The following CD164 variants were observed in gnomAD, a reference collection of about 807,000 sequenced individuals.
The protein encoded by CD164 is sialomucin core protein 24.
A neutral mutation model predicts 24.6 loss-of-function variants in CD164; 11 were observed. The ratio of observed to expected loss-of-function variants is 0.45; its 90% CI spans 0.28 to 0.74. The LOEUF is 0.74. Ranked by LOEUF, CD164 falls within the 30% of genes least tolerant of loss-of-function variation. The pLI is 0.13. For synonymous variants in CD164, 126 were observed against 100.3 expected, an observed-to-expected ratio of 1.26 and a Z score of -1.53; for missense variants, 295 against 243.7, an observed-to-expected ratio of 1.21 and a Z score of -1.40.
intron 1 of CD164, chr6:109,381,835 G>GCCCGGCCCCATCCTCAACC (rs1771769774): frequency 3.7e-6 from 2 of 540,460 alleles, no homozygotes; most frequent in Non-Finnish European, 6.6e-6. Context: ...GAGGCGCGAC[G>GCCCGGCCCCATCCTCAACC]CCCGGCCCCA....
intron 4 of CD164, among the ~76,000 whole-genome samples, chr6:109,373,042 G>A (rs1316831959): frequency 6.6e-6 from 1 of 151,476 alleles, no homozygotes; most frequent in African/African-American, 2.4e-5. Context: ...CATTAGGAAA[G>A]GTTAAAAAAA....
Position 109,382,415 on chromosome 6 carries a change from G to C in CD164, c.-37C>G. 1 of 1,471,328 alleles carries C rather than the reference G, an allele frequency of 6.8e-7. No individual in the cohort carries two copies. Among genetic ancestry groups the C allele is most frequent in the Non-Finnish European group, 9.0e-7 (1 of 1,107,378 alleles). 91.1% of individuals were successfully genotyped at this position (1,471,328 alleles called of 1,614,324 possible). On this transcript the variant is annotated 5_prime_UTR_variant, in exon 1 of 6. Transcript: ENST00000310786. ...CGCTGGCGTTCGGGAGAAAGCTAAG[G>C]CTCGCAACGCTCAGTCAACCCCTCA...
rs963032480 is a variant in CD164, at chr6:109,368,763, T to C, written c.*88A>G. ...ATTTAAAGATCCTGGAATAGCGTCTTCCATGTGGGACATCTTAAAAGATAG... is the reference window on the plus strand; with the variant it reads ...ATTTAAAGATCCTGGAATAGCGTCTCCCATGTGGGACATCTTAAAAGATAG... On this transcript the variant is annotated 3_prime_UTR_variant, in exon 6 of 6. Coordinates refer to ENST00000310786, the MANE Select transcript of CD164 (RefSeq NM_006016.6). 2.6e-5 allele frequency: 39 copies of C among 1,494,748 alleles called. No individual in the cohort carries two copies. The highest frequency in any genetic ancestry group is 3.4e-5 in the Non-Finnish European group (38 of 1,126,754). The allele number at this position is 1,494,748 out of a possible 1,614,324, so 92.6% of individuals were successfully genotyped here.
rs58138405 is a variant in CD164 at position 109,375,617 on chromosome 6, CA to C, written c.370+456del. On this transcript the variant is annotated intron_variant, in intron 4 of 5. Transcript: ENST00000310786. ...GAGCGGCAGAGCAAGACTTCGCTTC[CA>C]AAAAAAAAAAAAGAAAAGAAAAAAA... 1.1e-3 allele frequency among the ~76,000 whole-genome samples: 76 copies of C among 71,316 alleles called. 1 individual carries two copies. Among genetic ancestry groups the C allele is most frequent in the Middle Eastern group, 0.01 (1 of 98 alleles). The allele number at this position is 71,316 out of a possible 152,430, so 46.8% of individuals were successfully genotyped here. A position where few individuals can be genotyped will look rare whatever the true frequency, so the allele number is the denominator to read the frequency against.
rs752217897 is a variant in CD164 at position 109,382,389 on chromosome 6, G to A, written c.-11C>T. ...GGAGAGCCGCGACATCGTGTCCTCAGCGCTGGCGTTCGGGAGAAAGCTAAG... is the reference window on the plus strand; with the variant it reads ...GGAGAGCCGCGACATCGTGTCCTCAACGCTGGCGTTCGGGAGAAAGCTAAG... On this transcript the variant is annotated 5_prime_UTR_variant, in exon 1 of 6. Transcript: ENST00000310786. 6.3e-5 allele frequency: 96 copies of A among 1,518,714 alleles called. No homozygotes were observed. The highest frequency in any genetic ancestry group is 2.4e-4 in the Admixed American group (12 of 49,308). The allele number at this position is 1,518,714 out of a possible 1,614,324, so 94.1% of individuals were successfully genotyped here. A position where few individuals can be genotyped will look rare whatever the true frequency, so the allele number is the denominator to read the frequency against.
At chr6:109,381,450 GGA>G (rs1234594314) in intron 1 of CD164, 3 of 699,516 alleles carry the variant, frequency 4.3e-6, no homozygotes, top group Non-Finnish European at 5.2e-6. Context: ...TACAATGTCA[GGA>G]GAGTTTACTC....
At chr6:109,370,299 T>C (rs939601850) in intron 5 of CD164, 112 bp downstream of exon 5, 1 of 820,172 alleles carries the variant, frequency 1.2e-6, no homozygotes, top group Non-Finnish European at 2.0e-6. Flanking sequence ...AAGAGAAGAA[T>C]TTCAGTTCCA....
At chr6:109,371,583 G>C (rs1463949735) in intron 4 of CD164, 1 of 153,748 alleles carries the variant, frequency 6.5e-6, no homozygotes, top group Non-Finnish European at 1.5e-5. Context: ...TTGGTAGTAT[G>C]AATACTAATA....
chr6:109,376,021 A>G, intron 4 of CD164, 53 bp downstream of exon 4: 2 of 1,370,180 alleles, frequency 1.5e-6, no homozygotes, highest in Non-Finnish European at 2.0e-6. Context: ...TAATCCATCA[A>G]GAAAGCTTAA....
At chr6:109,375,870 A>T in intron 4 of CD164, 1 of 517,444 alleles carries the variant, frequency 1.9e-6, no homozygotes, top group South Asian at 2.9e-5. Flanking sequence ...ATCTGCTCAC[A>T]TTCACCGACT....
At chr6:109,381,198 A>C (rs1415844566) in intron 1 of CD164, among the ~76,000 whole-genome samples, 4 of 152,182 alleles carry the variant, frequency 2.6e-5, no homozygotes, top group Non-Finnish European at 5.9e-5. Context: ...TTATTACCTC[A>C]AACTTATCTT....
intron 3 of CD164, among the ~76,000 whole-genome samples, 180 bp downstream of exon 3, chr6:109,377,720 A>C (rs1461830320): frequency 6.6e-6 from 1 of 152,044 alleles, no homozygotes; most frequent in Admixed American, 6.5e-5. Context: ...AAATCACTAA[A>C]CCAAGCTTCA....
At chr6:109,381,233 G>A (rs924835154) in intron 1 of CD164, among the ~76,000 whole-genome samples, 3 of 152,076 alleles carry the variant, frequency 2.0e-5, no homozygotes, top group Non-Finnish European at 4.4e-5. Flanking sequence ...TGTTGTCACG[G>A]TATATGGCAA....
chr6:109,375,229 T>C (rs545542648), intron 4 of CD164, among the ~76,000 whole-genome samples: 3 of 152,158 alleles, frequency 2.0e-5, no homozygotes, highest in Non-Finnish European at 4.4e-5. Flanking sequence ...TGCAATTCCA[T>C]GTAAGATGTT....
chr6:109,379,727 A>AT (rs1329862002), intron 1 of CD164, 65 bp from the exon 2 acceptor site: 1 of 1,216,232 alleles, frequency 8.2e-7, no homozygotes, highest in African/African-American at 1.5e-5. Context: ...TTGAATCTGT[A>AT]TTACTTATCT....
rs1369947013 is a variant in CD164 at position 109,368,614 on chromosome 6, A to G, written c.*237T>C. The G allele has an allele frequency of 2.2e-6, 3 of 1,350,842 alleles. No homozygotes were observed. Among genetic ancestry groups the G allele is most frequent in the Non-Finnish European group, 2.8e-6 (3 of 1,057,462 alleles). 83.7% of individuals were successfully genotyped at this position (1,350,842 alleles called of 1,614,324 possible). On this transcript the variant is annotated 3_prime_UTR_variant, in exon 6 of 6. Coordinates refer to ENST00000310786, the MANE Select transcript of CD164 (RefSeq NM_006016.6). Reference sequence around the variant, plus strand: ...AAAATATAATCCCACAGCAGCAGCTATTTAAAATAAGACAGCCACAGGATT... The same window carrying G: ...AAAATATAATCCCACAGCAGCAGCTGTTTAAAATAAGACAGCCACAGGATT...
intron 5 of CD164, among the ~76,000 whole-genome samples, 191 bp downstream of exon 5, chr6:109,370,220 A>C (rs916165520): frequency 6.6e-6 from 1 of 152,238 alleles, no homozygotes; most frequent in African/African-American, 2.4e-5. Flanking sequence ...TTTAAAAATG[A>C]GAAGAGGAAT....
chr6:109,381,490 G>A, intron 1 of CD164: 1 of 702,308 alleles, frequency 1.4e-6, no homozygotes, highest in Non-Finnish European at 2.6e-6. Flanking sequence ...TACCTCCTAG[G>A]TTTCACTACC....
Position 109,368,481 on chromosome 6 carries a change from A to G in CD164, c.*370T>C. The stretch of plus-strand genomic sequence containing the variant: ...TGGCACGTTCTTCTCAATTCTGTTC[A>G]CTAAATTAAAATTACTAAATTTAAA... On this transcript the variant is annotated 3_prime_UTR_variant, in exon 6 of 6. Transcript: ENST00000310786. 1 of 1,356,576 alleles carries G rather than the reference A, an allele frequency of 7.4e-7. No individual in the cohort carries two copies. Among genetic ancestry groups the G allele is most frequent in the South Asian group, 2.0e-5 (1 of 50,644 alleles). 84.0% of individuals were successfully genotyped at this position (1,356,576 alleles called of 1,614,324 possible).
Sources: gnomAD v4.1 joint callset for allele counts (sites outside exome capture counted in the v4.1 genomes callset) on GRCh38, gnomAD v4.1.1 for gene constraint, MANE v1.5 for transcripts, NCBI Gene and HGNC (gene_info 2026-07-23, HGNC 2026-07-21) for gene names.